The following NKAIN3 variants were observed in gnomAD, a reference collection of about 807,000 sequenced individuals.
The protein encoded by NKAIN3 is sodium/potassium transporting ATPase interacting 3, also known as sodium/potassium-transporting ATPase subunit beta-1-interacting protein 3.
Under a neutral mutation model 30.2 loss-of-function variants are expected in NKAIN3, and 25 were observed. The ratio of observed to expected loss-of-function variants is 0.83; its 90% CI spans 0.60 to 1.16. The LOEUF is 1.16. NKAIN3 is among the 50% of genes most tolerant of loss of function. NKAIN3 has a pLI of 0.00. For missense variants in NKAIN3, 225 were observed against 254.1 expected (o/e 0.89, Z 0.78); for synonymous variants, 91 against 89.6 (o/e 1.02, Z -0.09).
chr8:62,851,860 G>A (rs1819910319), intron 4 of NKAIN3, among the ~76,000 whole-genome samples: 1 of 152,172 alleles, frequency 6.6e-6, no homozygotes, highest in Non-Finnish European at 1.5e-5. Context: ...CGGTTTGCCA[G>A]TATTTTATTG....
chr8:62,878,639 T>A (rs1286084019), intron 4 of NKAIN3, among the ~76,000 whole-genome samples: 1 of 151,488 alleles, frequency 6.6e-6, no homozygotes, highest in Non-Finnish European at 1.5e-5. Context: ...ATTAGGTATA[T>A]CTCCTAATGC....
chr8:62,582,757 C>G (rs779880418), intron 2 of NKAIN3, among the ~76,000 whole-genome samples: 3 of 152,202 alleles, frequency 2.0e-5, no homozygotes, highest in Non-Finnish European at 4.4e-5. Flanking sequence ...TCTGCAGGCA[C>G]TAACCATGTA....
intron 6 of NKAIN3, among the ~76,000 whole-genome samples, chr8:62,962,373 T>C (rs1287680456): frequency 2.0e-5 from 3 of 152,214 alleles, no homozygotes; most frequent in Non-Finnish European, 2.9e-5. Context: ...ACAAACCAAT[T>C]GTAATGAGAT....
intron 4 of NKAIN3, among the ~76,000 whole-genome samples, chr8:62,812,222 C>A (rs1818509685): frequency 6.6e-6 from 1 of 151,916 alleles, no homozygotes; most frequent in Admixed American, 6.6e-5. Flanking sequence ...CAGTACCACA[C>A]TCTCATAACT....
intron 3 of NKAIN3, among the ~76,000 whole-genome samples, chr8:62,593,604 A>C (rs1031609648): frequency 6.6e-6 from 1 of 152,084 alleles, no homozygotes; most frequent in African/African-American, 2.4e-5. Context: ...TGACATAACT[A>C]CAGATTCAAC....
At chr8:62,278,884 G>A (rs1265304277) in intron 1 of NKAIN3, among the ~76,000 whole-genome samples, 1 of 152,142 alleles carries the variant, frequency 6.6e-6, no homozygotes. Flanking sequence ...AATCCTTTGG[G>A]TATATGCCCA....
chr8:62,522,658 G>C (rs1323260459), intron 1 of NKAIN3, among the ~76,000 whole-genome samples: 1 of 151,884 alleles, frequency 6.6e-6, no homozygotes, highest in Non-Finnish European at 1.5e-5. Flanking sequence ...AGGCTAATGG[G>C]TGTGTTCTTG....
intron 4 of NKAIN3, among the ~76,000 whole-genome samples, chr8:62,906,312 C>A (rs549434115): frequency 1.3e-3 from 202 of 151,280 alleles, no homozygotes; most frequent in African/African-American, 4.7e-3. Flanking sequence ...AATACCTTAA[C>A]TGAAATACGT....
intron 1 of NKAIN3, among the ~76,000 whole-genome samples, chr8:62,283,663 C>T (rs982297935): frequency 1.3e-5 from 2 of 151,988 alleles, no homozygotes; most frequent in African/African-American, 4.8e-5. Context: ...AACAGTGTTT[C>T]AGGAGATTCC....
intron 4 of NKAIN3, among the ~76,000 whole-genome samples, chr8:62,857,700 T>C (rs1600534): frequency 0.081 from 12,284 of 152,326 alleles, 560 homozygotes; most frequent in South Asian, 0.14. Context: ...TTCTATCATG[T>C]TCCTCTCTAA....
downstream of NKAIN3, among the ~76,000 whole-genome samples, chr8:62,989,016 G>A (rs1447460240): frequency 6.6e-6 from 1 of 152,188 alleles, no homozygotes; most frequent in East Asian, 1.9e-4. Flanking sequence ...CTTTACTGGA[G>A]TAAAGAACAA....
intron 3 of NKAIN3, among the ~76,000 whole-genome samples, chr8:62,593,951 A>G (rs73259169): frequency 0.021 from 3,168 of 152,038 alleles, 123 homozygotes; most frequent in African/African-American, 0.073. Flanking sequence ...GTTGTCTTTA[A>G]TTTCTATAGG....
At chr8:62,634,306 T>C (rs1348917761) in intron 3 of NKAIN3, among the ~76,000 whole-genome samples, 1 of 152,136 alleles carries the variant, frequency 6.6e-6, no homozygotes. Flanking sequence ...GACCACCTGC[T>C]ATTGGGTTAC....
At chr8:62,919,508 G>T (rs1224460569) in intron 5 of NKAIN3, among the ~76,000 whole-genome samples, 1 of 151,952 alleles carries the variant, frequency 6.6e-6, no homozygotes, top group South Asian at 2.1e-4. Context: ...GCCTCCCAAA[G>T]TGCTGGGATT....
chr8:62,409,787 T>A (rs1433174364), intron 1 of NKAIN3, among the ~76,000 whole-genome samples: 1 of 152,088 alleles, frequency 6.6e-6, no homozygotes, highest in Non-Finnish European at 1.5e-5. Flanking sequence ...TTAAAATTAT[T>A]TATTTAACAC....
intron 5 of NKAIN3, among the ~76,000 whole-genome samples, chr8:62,938,692 G>T (rs1822859982): frequency 6.6e-6 from 1 of 152,116 alleles, no homozygotes; most frequent in Admixed American, 6.5e-5. Flanking sequence ...CACCCCTACG[G>T]GAAGAGGGGA....
At chr8:62,930,443 G>A (rs1307569820) in intron 5 of NKAIN3, among the ~76,000 whole-genome samples, 1 of 151,794 alleles carries the variant, frequency 6.6e-6, no homozygotes, top group Non-Finnish European at 1.5e-5. Flanking sequence ...TAGTAGAGAT[G>A]GGGTTTCACC....
Position 62,607,306 on chromosome 8 carries a change from C to T in NKAIN3, c.273+17512C>T, listed in dbSNP as rs766653908. On this transcript the variant is annotated intron_variant, in intron 3 of 6. Transcript: ENST00000623646. ...ATGAAGAACTGATTTTCCCAGAGAC[C>T]GTCTATATTTCTGCTGTGGAAGATC... 5.9e-5 allele frequency among the ~76,000 whole-genome samples: 9 copies of T among 152,144 alleles called. No homozygotes were observed. The East Asian group carries it at 7.8e-4, about 13-fold the overall frequency.
At chr8:62,368,382 A>G (rs1237280506) in intron 1 of NKAIN3, among the ~76,000 whole-genome samples, 1 of 152,190 alleles carries the variant, frequency 6.6e-6, no homozygotes, top group African/African-American at 2.4e-5. Flanking sequence ...TAGAGGGCCA[A>G]GACATAAATT....
Sources: gnomAD v4.1 joint callset for allele counts (sites outside exome capture counted in the v4.1 genomes callset) on GRCh38, gnomAD v4.1.1 for gene constraint, MANE v1.5 for transcripts, NCBI Gene and HGNC (gene_info 2026-07-23, HGNC 2026-07-21) for gene names.